The following PCDHGA3 variants were observed in gnomAD, a reference collection of about 807,000 sequenced individuals.
PCDHGA3 encodes protocadherin gamma subfamily A, 3, also known as protocadherin gamma-A3.
PCDHGA3 carries 40 observed loss-of-function variants against 58.5 expected under a neutral mutation model. That is an observed-to-expected ratio of 0.68 (90% CI 0.53 to 0.89). PCDHGA3 has a LOEUF of 0.89. Among genes scored for constraint, PCDHGA3 ranks in the 40% least tolerant of loss-of-function variants. The pLI is 0.00. For missense variants in PCDHGA3, 1,223 were observed against 1,195.9 expected (o/e 1.02, Z -0.33); for synonymous variants, 530 against 525.7 (o/e 1.01, Z -0.11).
intron 1 of PCDHGA3, chr5:141,408,637 T>C (rs766685548): frequency 4.3e-6 from 7 of 1,614,044 alleles, no homozygotes; most frequent in Non-Finnish European, 5.9e-6. Context: ...TTTTCGAATC[T>C]GCATCCGCTG....
chr5:141,365,615 AC>A (rs1215729204), intron 1 of PCDHGA3: 1 of 1,613,178 alleles, frequency 6.2e-7, no homozygotes, highest in Non-Finnish European at 8.5e-7. Context: ...GGACCATGGA[AC>A]CCCGCCCCTC....
chr5:141,415,017 G>A lies in PCDHGA3; in HGVS notation c.2424+68560G>A, dbSNP rs1344566574. ...CCTGGCTGTCCTACCGTCTGCTCAA[G>A]GCCAGCGAGCCGGGACTCTTCGCGG... On this transcript the variant is annotated intron_variant, in intron 1 of 3. Transcript: ENST00000253812. The A allele has an allele frequency of 1.9e-6, 3 of 1,613,574 alleles. No homozygotes were observed. In the Admixed American group the frequency reaches 5.0e-5, roughly 27 times the overall value.
rs141295392 is a variant in PCDHGA3 at position 141,393,658 on chromosome 5, G to A, written c.2424+47201G>A. 3.0e-5 allele frequency: 49 copies of A among 1,613,798 alleles called. No homozygotes were observed. The Middle Eastern group carries it at 6.6e-4, about 22-fold the overall frequency. ...AACGGAAAAGTGGCATACAAATTCC[G>A]GAAAATTAATGAAAAACAAACTCCG... On this transcript the variant is annotated intron_variant, in intron 1 of 3. Transcript: ENST00000253812.
chr5:141,366,267 T>A (rs201030376), intron 1 of PCDHGA3: 49 of 1,613,514 alleles, frequency 3.0e-5, no homozygotes, highest in Non-Finnish European at 3.9e-5. Context: ...GTGGTGGCCG[T>A]CGAAGACCAT....
chr5:141,361,114 C>A, intron 1 of PCDHGA3: 1 of 1,613,990 alleles, frequency 6.2e-7, no homozygotes, highest in Non-Finnish European at 8.5e-7. Context: ...TCCTGGAGAT[C>A]TAGCAGCCCA....
intron 1 of PCDHGA3, among the ~76,000 whole-genome samples, chr5:141,459,561 C>T (rs912894386): frequency 2.6e-5 from 4 of 151,954 alleles, no homozygotes; most frequent in African/African-American, 7.3e-5. Context: ...GGATAAATAC[C>T]CCAAAACAGA....
At chr5:141,418,124 C>A (rs762154093) in intron 1 of PCDHGA3, 33 of 1,613,836 alleles carry the variant, frequency 2.0e-5, no homozygotes, top group East Asian at 1.3e-4. Flanking sequence ...TGTGAAGGAC[C>A]GAATAGACCG....
chr5:141,373,942 G>C, intron 1 of PCDHGA3: 1 of 734,326 alleles, frequency 1.4e-6, no homozygotes, highest in African/African-American at 1.8e-5. Context: ...CAGGAAAGCT[G>C]TGCAGAAATT....
At chr5:141,488,189 T>G (rs574621860) in intron 1 of PCDHGA3, among the ~76,000 whole-genome samples, 2 of 152,316 alleles carry the variant, frequency 1.3e-5, no homozygotes, top group Non-Finnish European at 2.9e-5. Context: ...TCTTTTGGTC[T>G]GGGTCTTAGG....
chr5:141,355,264 G>T lies in PCDHGA3; in HGVS notation c.2424+8807G>T, dbSNP rs201894028. ...GCTCCAGATCTGCCTTCTCCTGGGG[G>T]TTCTGGTGGAAATCAGGGCCGAACA... On this transcript the variant is annotated intron_variant, in intron 1 of 3. Transcript: ENST00000253812. 3.3e-4 allele frequency: 530 copies of T among 1,613,600 alleles called. 1 individual carries two copies. In the African/African-American group the frequency reaches 5.9e-3, roughly 18 times the overall value.
rs1003050993 is a variant in PCDHGA3, at chr5:141,477,637, T to A, written c.2425-17170T>A. ...AAGGAGCTGAAACCGGGCTAGTGGG[T>A]CGCTATTTCACAATAAATCGTGACA... On this transcript the variant is annotated intron_variant, in intron 1 of 3. Transcript: ENST00000253812. This position sits in a 1 kb window ranked among gnomAD's most constrained non-coding sequence, Gnocchi z 4.9. 6.2e-7 allele frequency: 1 copy of A among 1,614,154 alleles called. No individual in the cohort carries two copies. Among genetic ancestry groups the A allele is most frequent in the African/African-American group, 1.3e-5 (1 of 75,040 alleles).
At chr5:141,443,131 A>C (rs1042010214) in intron 1 of PCDHGA3, among the ~76,000 whole-genome samples, 2 of 152,144 alleles carry the variant, frequency 1.3e-5, no homozygotes, top group African/African-American at 4.8e-5. Flanking sequence ...GATTAAGAAC[A>C]CTATCATAAG....
rs1329435709 is a variant in PCDHGA3 at position 141,485,726 on chromosome 5, C to T, written c.2425-9081C>T. ...ACACTTTGCACTGGATGTGAAGAAGCGCAGCGACGGCAGCCTGGTCCCAGA... is the reference window on the plus strand; with the variant it reads ...ACACTTTGCACTGGATGTGAAGAAGTGCAGCGACGGCAGCCTGGTCCCAGA... On this transcript the variant is annotated intron_variant, in intron 1 of 3. Coordinates refer to ENST00000253812, the MANE Select transcript of PCDHGA3 (RefSeq NM_018916.4). This position sits in a 1 kb window ranked among gnomAD's most constrained non-coding sequence, Gnocchi z 5.7. 2 of 1,614,138 alleles carry T rather than the reference C, an allele frequency of 1.2e-6. No homozygotes were observed. The highest frequency in any genetic ancestry group is 8.5e-7 in the Non-Finnish European group (1 of 1,180,024).
At chr5:141,374,951 C>T (rs780549456) in intron 1 of PCDHGA3, 2 of 1,614,018 alleles carry the variant, frequency 1.2e-6, no homozygotes, top group Non-Finnish European at 1.7e-6. Context: ...AAAGATCTCA[C>T]AAATTTTCTG....
At chr5:141,362,297 C>G in intron 1 of PCDHGA3, 1 of 1,614,082 alleles carries the variant, frequency 6.2e-7, no homozygotes, top group Non-Finnish European at 8.5e-7. Flanking sequence ...TCTTCCAGGT[C>G]AGATGCTTGG....
chr5:141,430,509 G>T, intron 1 of PCDHGA3: 1 of 328,564 alleles, frequency 3.0e-6, no homozygotes. Flanking sequence ...GGGAGTTCAA[G>T]ATTGTGCAGT....
rs143138320 is a variant in PCDHGA3 at position 141,489,458 on chromosome 5, G to C, written c.2425-5349G>C. The stretch of plus-strand genomic sequence containing the variant: ...CAATTGGGCTCTGAGGAGAATGGGC[G>C]CTATTTTTCCCTGAGCTTGATGAGT... On this transcript the variant is annotated intron_variant, in intron 1 of 3. Coordinates refer to ENST00000253812, the MANE Select transcript of PCDHGA3 (RefSeq NM_018916.4). The surrounding 1 kb of genome is among the most constrained non-coding windows in gnomAD (Gnocchi z 4.5). 3.7e-6 allele frequency: 6 copies of C among 1,613,924 alleles called. No individual in the cohort carries two copies. The highest frequency in any genetic ancestry group is 5.1e-6 in the Non-Finnish European group (6 of 1,180,000).
At chr5:141,384,890 TG>T in intron 1 of PCDHGA3, 1 of 1,613,868 alleles carries the variant, frequency 6.2e-7, no homozygotes, top group Non-Finnish European at 8.5e-7. Flanking sequence ...ACCGTGGCTG[TG>T]GCTGACAGCA....
At chr5:141,399,991 G>T (rs1226741326) in intron 1 of PCDHGA3, 3 of 1,612,304 alleles carry the variant, frequency 1.9e-6, no homozygotes, top group Admixed American at 3.3e-5. Context: ...CACAGGAGAG[G>T]TGCGCACAGC....
Sources: allele counts gnomAD v4.1 joint callset (sites outside exome capture counted in the v4.1 genomes callset), GRCh38; gene constraint gnomAD v4.1.1; non-coding constraint Gnocchi (gnomAD v3.1); transcripts MANE v1.5; gene names NCBI Gene and HGNC (gene_info 2026-07-23, HGNC 2026-07-21).